CLIP3: variants seen among roughly 807,000 people sequenced by gnomAD.
The protein encoded by CLIP3 is CAP-Gly domain-containing linker protein 3.
Under a neutral mutation model 59.4 loss-of-function variants are expected in CLIP3, and 15 were observed. The ratio of observed to expected loss-of-function variants is 0.25; its 90% CI spans 0.17 to 0.39. The LOEUF (loss-of-function observed/expected upper bound fraction) is 0.39, where lower values mean the gene tolerates loss of function less well. Among genes scored for constraint, CLIP3 ranks in the 10% least tolerant of loss-of-function variants. The probability of loss-of-function intolerance (pLI) is 1.00; values close to 1 mark genes in which losing one functional copy is unlikely to be tolerated. For synonymous variants in CLIP3, 300 were observed against 321.6 expected, an observed-to-expected ratio of 0.93 and a Z score of 0.72; for missense variants, 495 against 765.7, an observed-to-expected ratio of 0.65 and a Z score of 4.17.
At chr19:36,023,082 A>AT (rs1332500666) in intron 7 of CLIP3, among the ~76,000 whole-genome samples, 2 of 152,220 alleles carry the variant, frequency 1.3e-5, no homozygotes, top group East Asian at 3.9e-4. Context: ...AATCATAATA[A>AT]TAAAAATAAA....
chr19:36,021,100 A>C (rs1320637917), intron 7 of CLIP3, among the ~76,000 whole-genome samples: 1 of 151,974 alleles, frequency 6.6e-6, no homozygotes, highest in Non-Finnish European at 1.5e-5. Flanking sequence ...TTAGTTTCAA[A>C]CTCCTGGCCT....
rs985010981 is a variant in CLIP3 at position 36,026,470 on chromosome 19, C to T, written c.562+116G>A. The T allele has an allele frequency of 2.1e-6, 3 of 1,442,092 alleles. No individual in the cohort carries two copies. Among genetic ancestry groups the T allele is most frequent in the Non-Finnish European group, 2.8e-6 (3 of 1,059,684 alleles). The allele number at this position is 1,442,092 out of a possible 1,614,324, so 89.3% of individuals were successfully genotyped here. A position where few individuals can be genotyped will look rare whatever the true frequency, so the allele number is the denominator to read the frequency against. ...GAGCCCCCTCTCCCACGCCTCCAAC[C>T]TCCCGCTATCTCCTCAGATCACCGT... On this transcript the variant is annotated intron_variant, in intron 5 of 13. Transcript: ENST00000360535. The surrounding 1 kb of genome is among the most constrained non-coding windows in gnomAD (Gnocchi z 6.3).
chr19:36,023,926 A>G (rs1257647517), intron 7 of CLIP3, among the ~76,000 whole-genome samples: 3 of 152,116 alleles, frequency 2.0e-5, no homozygotes, highest in South Asian at 4.1e-4. Flanking sequence ...CGCTCCCCCA[A>G]GCTGAGACTC....
rs376950137 is a variant in CLIP3 at position 36,024,639 on chromosome 19, G to T, written c.682-7C>A. 6.1e-5 allele frequency: 98 copies of T among 1,613,230 alleles called. No individual in the cohort carries two copies. In the African/African-American group the frequency reaches 1.1e-3, roughly 18 times the overall value. ...GCACCTGTCCTTTTCGATTCTGGGG[G>T]CCAATGGGAAAAGAAGGCAGGGACT... On this transcript the variant is annotated splice_polypyrimidine_tract_variant and splice_region_variant and intron_variant, in intron 6 of 13. Transcript: ENST00000360535.
chr19:36,026,503 C>T lies in CLIP3; in HGVS notation c.562+83G>A. ...ATCTCCTCAGATCACCGTCCTCCTT[C>T]CCCTCGCAGCCTGGCCTCACCTGGG... On this transcript the variant is annotated intron_variant, in intron 5 of 13. Coordinates refer to ENST00000360535, the MANE Select transcript of CLIP3 (RefSeq NM_015526.3). This position sits in a 1 kb window ranked among gnomAD's most constrained non-coding sequence, Gnocchi z 6.3. 6.4e-7 allele frequency: 1 copy of T among 1,565,164 alleles called. No homozygotes were observed. Among genetic ancestry groups the T allele is most frequent in the Non-Finnish European group, 8.7e-7 (1 of 1,148,472 alleles).
In CLIP3 at chr19:36,027,422, T is replaced by C. The variant is rs1442320249; in HGVS notation, c.167-151A>G. On this transcript the variant is annotated intron_variant, in intron 2 of 13. Coordinates refer to ENST00000360535, the MANE Select transcript of CLIP3 (RefSeq NM_015526.3). ...GGCCACAGTCAACCCACAGGCATTT[T>C]CTGTGTGGCCAGCATGAGGTTTCAA... is the stretch of plus-strand genomic sequence containing the variant. The C allele has an allele frequency of 3.7e-6, 3 of 807,778 alleles. No individual in the cohort carries two copies. The Admixed American group carries it at 1.1e-4, about 29-fold the overall frequency. The allele number at this position is 807,778 out of a possible 1,614,324, so 50.0% of individuals were successfully genotyped here. A position where few individuals can be genotyped will look rare whatever the true frequency, so the allele number is the denominator to read the frequency against.
chr19:36,030,272 C>T (rs1282532482), intron 2 of CLIP3, among the ~76,000 whole-genome samples: 2 of 152,136 alleles, frequency 1.3e-5, no homozygotes, highest in African/African-American at 2.4e-5. Flanking sequence ...AGGCTGATCT[C>T]GAACTCCTGG....
chr19:36,017,643 GTTTGGGCTCACCTCTGAA>G lies in CLIP3; in HGVS notation c.1445_1451+11del. On this transcript the variant is annotated splice_donor_variant and splice_donor_5th_base_variant and coding_sequence_variant and intron_variant, in exon 11 of 14. Transcript: ENST00000360535. LOFTEE classifies it high-confidence loss of function. ...GTGGTGCCCTGGGTTTGGGCTGGAA[GTTTGGGCTCACCTCTGAA>G]TACGGGATGCTGGTGCGAAGACCCC... The G allele has an allele frequency of 6.2e-7, 1 of 1,613,884 alleles. No individual in the cohort carries two copies. The highest frequency in any genetic ancestry group is 8.5e-7 in the Non-Finnish European group (1 of 1,179,898).
intron 2 of CLIP3, among the ~76,000 whole-genome samples, chr19:36,030,966 T>C (rs1021104579): frequency 6.6e-6 from 1 of 151,456 alleles, no homozygotes; most frequent in Non-Finnish European, 1.5e-5. Context: ...CATTATCGTA[T>C]CTCCACCTTT....
intron 7 of CLIP3, among the ~76,000 whole-genome samples, chr19:36,023,731 A>C (rs1969014677): frequency 1.3e-5 from 2 of 152,158 alleles, no homozygotes; most frequent in South Asian, 4.2e-4. Flanking sequence ...CCATAGGTTT[A>C]CTTTCTTGAC....
At position 36,026,155 on chromosome 19, in the gene CLIP3, C is replaced by T; in HGVS notation, c.673G>A (p.Ala225Thr). ...GGCAAGGGTGGCAGTACCCTCAGCG[C>T]AGGGTTGGCGCCGTGCTCCAGCAAA... is the stretch of plus-strand genomic sequence containing the variant. ...KCLLEHGANPALRNRKGQVPA... is the reference protein window; with the variant it reads ...KCLLEHGANPTLRNRKGQVPA... The change falls in exon 6 of 14, where the codon GCG becomes ACG. Residue 225 changes from alanine (A) to threonine (T), a missense_variant. By Grantham distance (58) the Ala-to-Thr change is moderately conservative (BLOSUM62 0). Transcript: ENST00000360535. The surrounding 1 kb of genome is among the most constrained non-coding windows in gnomAD (Gnocchi z 6.3). The T allele has an allele frequency of 1.2e-6, 2 of 1,612,850 alleles. No homozygotes were observed. The highest frequency in any genetic ancestry group is 1.7e-6 in the Non-Finnish European group (2 of 1,179,174).
chr19:36,030,375 A>ATTCTTATTTTT (rs1969223898), intron 2 of CLIP3, among the ~76,000 whole-genome samples: 2 of 152,154 alleles, frequency 1.3e-5, no homozygotes, highest in African/African-American at 4.8e-5. Flanking sequence ...TTTCTATTAG[A>ATTCTTATTTTT]CTGAAGTCAA....
At chr19:36,019,448 A>G (rs931280402) in intron 7 of CLIP3, 142 bp from the exon 8 acceptor site, 1 of 980,694 alleles carries the variant, frequency 1.0e-6, no homozygotes, top group African/African-American at 1.6e-5. Flanking sequence ...TGCTGGCTAC[A>G]TGACTTAACC....
chr19:36,019,638 C>G (rs1968904484), intron 7 of CLIP3, among the ~76,000 whole-genome samples: 1 of 148,890 alleles, frequency 6.7e-6, no homozygotes, highest in South Asian at 2.1e-4. Context: ...GCGTCTCACT[C>G]TGTTGCCAGG....
intron 11 of CLIP3, 79 bp downstream of exon 11, chr19:36,017,576 T>C: frequency 6.2e-7 from 1 of 1,604,942 alleles, no homozygotes; most frequent in Non-Finnish European, 8.5e-7. Flanking sequence ...GTCCTGCTGG[T>C]CTGGGAGGAG....
Sources: gnomAD v4.1 joint callset for allele counts (sites outside exome capture counted in the v4.1 genomes callset) on GRCh38, gnomAD v4.1.1 for gene constraint, Gnocchi (gnomAD v3.1) non-coding constraint, MANE v1.5 for transcripts, NCBI Gene and HGNC (gene_info 2026-07-23, HGNC 2026-07-21) for gene names.